POMGNT1: variants seen among roughly 807,000 people sequenced by gnomAD.
The protein encoded by POMGNT1 is protein O-linked-mannose beta-1,2-N-acetylglucosaminyltransferase 1.
Under a neutral mutation model 95.6 loss-of-function variants are expected in POMGNT1, and 67 were observed. That is an observed-to-expected ratio of 0.70 (90% CI 0.58 to 0.86). The LOEUF (loss-of-function observed/expected upper bound fraction) is 0.86. Ranked by LOEUF, POMGNT1 falls within the 40% of genes least tolerant of loss-of-function variation. POMGNT1 has a pLI of 0.00. For missense variants in POMGNT1, 719 were observed against 855.2 expected (o/e 0.84, Z 1.99); for synonymous variants, 298 against 317.9 (o/e 0.94, Z 0.66).
chr1:46,193,220 G>A lies in POMGNT1; in HGVS notation c.1111-5C>T. 1.2e-6 allele frequency: 2 copies of A among 1,614,174 alleles called. No homozygotes were observed. Among genetic ancestry groups the A allele is most frequent in the Non-Finnish European group, 1.7e-6 (2 of 1,180,026 alleles). Reference sequence around the variant, plus strand: ...AGTGAGGCTGGCCTTGTAGTGCTGGGAGTGGGGTGGGAATAGGGCACATGA... The same window carrying A: ...AGTGAGGCTGGCCTTGTAGTGCTGGAAGTGGGGTGGGAATAGGGCACATGA... On this transcript the variant is annotated splice_region_variant and splice_polypyrimidine_tract_variant and intron_variant, in intron 12 of 21. Transcript: ENST00000371984.
intron 1 of POMGNT1, chr1:46,203,755 C>A: frequency 1.2e-6 from 1 of 812,474 alleles, no homozygotes; most frequent in Non-Finnish European, 1.8e-6. Flanking sequence ...AGAATCCCTC[C>A]CAGATCAATC....
chr1:46,198,155 C>G (rs1311904720), intron 1 of POMGNT1, 181 bp downstream of exon 1: 1 of 346,876 alleles, frequency 2.9e-6, no homozygotes, highest in Non-Finnish European at 5.5e-6. Context: ...GGACCAAGTT[C>G]CAGGCCTTCC....
chr1:46,202,254 A>G (rs984479794), upstream of POMGNT1, among the ~76,000 whole-genome samples: 15 of 152,016 alleles, frequency 9.9e-5, no homozygotes, highest in African/African-American at 3.1e-4. Context: ...TAAACAAACC[A>G]GAGTTTTCAT....
In POMGNT1 at chr1:46,189,405, T is replaced by G. The variant is rs1427712060; in HGVS notation, c.1896-48A>C. ...TATAGAGAAGAAGCCATTAGCTATA[T>G]CCCTGGATCTCACTAGGCCTCCTGT... On this transcript the variant is annotated intron_variant, in intron 21 of 21. Coordinates refer to ENST00000371984, the MANE Select transcript of POMGNT1 (RefSeq NM_017739.4). 10 of 1,613,746 alleles carry G rather than the reference T, an allele frequency of 6.2e-6. No individual in the cohort carries two copies. The East Asian group carries it at 2.2e-4, about 36-fold the overall frequency.
upstream of POMGNT1, among the ~76,000 whole-genome samples, chr1:46,202,550 C>T (rs1658563566): frequency 6.6e-6 from 1 of 151,786 alleles, no homozygotes; most frequent in Non-Finnish European, 1.5e-5. Context: ...AAAATATTAG[C>T]TGGGCATGGT....
In POMGNT1 at chr1:46,194,292, G is replaced by A. The variant is rs764747122; in HGVS notation, c.861C>T (p.Ile287=). The change falls in exon 9 of 22, where the codon ATC becomes ATT. Residue 287 remains isoleucine (I), a synonymous_variant. Coordinates refer to ENST00000371984, the MANE Select transcript of POMGNT1 (RefSeq NM_017739.4). ...SVCSCKDPTP[I]EFSPDPLPDN... is the part of the protein sequence containing the mutation. ...CACTCACTGGGTCAGGGCTGAACTC[G>A]ATGGGTGTGGGGTCCTTGCAGCTGC... 4.3e-6 allele frequency: 7 copies of A among 1,614,060 alleles called. No homozygotes were observed. Among genetic ancestry groups the A allele is most frequent in the African/African-American group, 1.3e-5 (1 of 74,932 alleles).
upstream of POMGNT1, among the ~76,000 whole-genome samples, chr1:46,202,696 C>CAAAAAAA (rs768113273): frequency 3.1e-5 from 1 of 32,230 alleles, no homozygotes; most frequent in African/African-American, 1.3e-4. Context: ...GACTCTGTCT[C>CAAAAAAA]AAAAAAAAAA....
intron 1 of POMGNT1, among the ~76,000 whole-genome samples, chr1:46,211,452 C>G (rs978288567): frequency 6.6e-6 from 1 of 151,412 alleles, no homozygotes; most frequent in African/African-American, 2.4e-5. Context: ...CACACACACA[C>G]ACACACACAC....
chr1:46,188,978 G>A lies in POMGNT1; in HGVS notation c.*292C>T. Reference sequence around the variant, plus strand: ...AATAAATAGGTTAGATTCTGAGCCAGGCCTGGAAAGTGAGGGTATTCAAAG... The same window carrying A: ...AATAAATAGGTTAGATTCTGAGCCAAGCCTGGAAAGTGAGGGTATTCAAAG... On this transcript the variant is annotated 3_prime_UTR_variant, in exon 22 of 22. Transcript: ENST00000371984. The A allele has an allele frequency of 1.2e-6, 2 of 1,607,068 alleles. No individual in the cohort carries two copies. The highest frequency in any genetic ancestry group is 1.7e-6 in the Non-Finnish European group (2 of 1,175,990).
intron 1 of POMGNT1, among the ~76,000 whole-genome samples, chr1:46,213,543 G>A (rs1658970190): frequency 6.6e-6 from 1 of 151,788 alleles, no homozygotes; most frequent in Non-Finnish European, 1.5e-5. Flanking sequence ...CATAGTTGAG[G>A]ACAAGAGGGA....
rs568809385 is a variant in POMGNT1 at position 46,219,249 on chromosome 1, C to T, written c.-51+456G>A. ...GGCGGAGGTTGCGGTGAGCTGAGAT[C>T]GCGCCATTGCACTCCATCCTGGACA... On this transcript the variant is annotated intron_variant, in intron 1 of 22. Transcript: ENST00000371992. 5.0e-4 allele frequency among the ~76,000 whole-genome samples: 76 copies of T among 151,094 alleles called. 2 individuals are homozygous for T. In the East Asian group the frequency reaches 5.8e-3, roughly 12 times the overall value.
chr1:46,203,330 C>A, upstream of POMGNT1: 1 of 1,136,986 alleles, frequency 8.8e-7, no homozygotes, highest in Admixed American at 3.3e-5. Context: ...GGCGGGGACC[C>A]ACCGGTTTTG....
At chr1:46,205,994 C>T (rs1445261770) in intron 1 of POMGNT1, among the ~76,000 whole-genome samples, 3 of 152,192 alleles carry the variant, frequency 2.0e-5, no homozygotes, top group African/African-American at 4.8e-5. Context: ...CTCTAGGCCT[C>T]GTCCCTCCTG....
intron 19 of POMGNT1, 91 bp from the exon 20 acceptor site, chr1:46,190,080 G>A (rs1657638155): frequency 2.4e-6 from 3 of 1,238,654 alleles, no homozygotes; most frequent in Non-Finnish European, 2.3e-6. Context: ...ATGCTCTGCT[G>A]TTGCCACCTT....
At chr1:46,190,916 G>A (rs543246831) in intron 17 of POMGNT1, 132 bp from the exon 18 acceptor site, 50 of 836,866 alleles carry the variant, frequency 6.0e-5, no homozygotes, top group Admixed American at 1.2e-4. Context: ...ATTTCCCACC[G>A]TCTTCTCCAT....
upstream of POMGNT1, among the ~76,000 whole-genome samples, chr1:46,200,043 G>A (rs137988685): frequency 4.3e-3 from 648 of 152,162 alleles, 3 homozygotes; most frequent in Middle Eastern, 0.041. Flanking sequence ...GGTGACAGGC[G>A]CCTATAATCG....
intron 10 of POMGNT1, 60 bp downstream of exon 10, chr1:46,193,795 A>T: frequency 6.2e-7 from 1 of 1,608,382 alleles, no homozygotes; most frequent in Non-Finnish European, 8.5e-7. Context: ...TTCCTCCTGG[A>T]GGTAGATGAC....
At position 46,195,997 on chromosome 1, in the gene POMGNT1, C is replaced by T; in HGVS notation, c.420+15G>A. ...CAGCTCCAGCCCTCTGGGTCACCCA[C>T]CCCTAGAAACTCACCGTGGCCTGGT... On this transcript the variant is annotated intron_variant, in intron 5 of 21. Coordinates refer to ENST00000371984, the MANE Select transcript of POMGNT1 (RefSeq NM_017739.4). 1.9e-6 allele frequency: 3 copies of T among 1,614,108 alleles called. No individual in the cohort carries two copies. The highest frequency in any genetic ancestry group is 2.5e-6 in the Non-Finnish European group (3 of 1,180,024).
rs58381490 is a variant in POMGNT1 at position 46,210,360 on chromosome 1, C to CAGCA, written c.-51+9341_-51+9344dup. 8.3e-3 allele frequency among the ~76,000 whole-genome samples: 1,261 copies of CAGCA among 152,224 alleles called. 20 individuals carry two copies. The highest frequency in any genetic ancestry group is 0.037 in the Middle Eastern group (11 of 294). On this transcript the variant is annotated intron_variant, in intron 1 of 22. Transcript: ENST00000371992. ...AAAATATATGAGGATTTCTTCCCACCAGCAAGCAAGCAATCAGTTCTGCAG... is the reference window on the plus strand; with the variant it reads ...AAAATATATGAGGATTTCTTCCCACCAGCAAGCAAGCAAGCAATCAGTTCTGCAG...
Sources: allele counts gnomAD v4.1 joint callset (sites outside exome capture counted in the v4.1 genomes callset), GRCh38; gene constraint gnomAD v4.1.1; transcripts MANE v1.5; gene names NCBI Gene and HGNC (gene_info 2026-07-23, HGNC 2026-07-21).